Variants in ACSBG1 observed in about 807,000 individuals in gnomAD.
ACSBG1 encodes the protein acyl-CoA synthetase bubblegum family member 1.
ACSBG1 carries 39 observed loss-of-function variants against 80.2 expected under a neutral mutation model. The ratio of observed to expected loss-of-function variants is 0.49; its 90% CI spans 0.38 to 0.64. The LOEUF is 0.64. Among genes scored for constraint, ACSBG1 ranks in the 30% least tolerant of loss-of-function variants. ACSBG1 has a pLI of 0.00. For synonymous variants in ACSBG1, 392 were observed against 379.5 expected, an observed-to-expected ratio of 1.03 and a Z score of -0.38; for missense variants, 828 against 966.4, an observed-to-expected ratio of 0.86 and a Z score of 1.90.
chr15:78,185,868 GA>G (rs915509428), intron 5 of ACSBG1, among the ~76,000 whole-genome samples: 43 of 149,268 alleles, frequency 2.9e-4, no homozygotes, highest in African/African-American at 8.3e-4. Context: ...AGTGCTGAAA[GA>G]AAAAAAAACC....
At chr15:78,176,968 C>T (rs2141322587) in intron 11 of ACSBG1, among the ~76,000 whole-genome samples, 1 of 152,066 alleles carries the variant, frequency 6.6e-6, no homozygotes, top group Middle Eastern at 3.4e-3. Flanking sequence ...AAATAAATAG[C>T]ACATTATTGA....
chr15:78,223,546 C>A (rs2075376260), intron 1 of ACSBG1, among the ~76,000 whole-genome samples: 1 of 152,176 alleles, frequency 6.6e-6, no homozygotes, highest in African/African-American at 2.4e-5. Flanking sequence ...TTTGACAAGT[C>A]CCTAGCCTCA....
At chr15:78,207,926 CCA>C in intron 2 of ACSBG1, 74 bp downstream of exon 2, 4 of 662,148 alleles carry the variant, frequency 6.0e-6, no homozygotes, top group Non-Finnish European at 8.0e-6. Context: ...GTCCCCCACA[CCA>C]CCCACCCCTC....
At chr15:78,185,597 G>T (rs60280956) in intron 5 of ACSBG1, among the ~76,000 whole-genome samples, 8,080 of 152,198 alleles carry the variant, frequency 0.053, 757 homozygotes, top group African/African-American at 0.19. Flanking sequence ...AACAGTCTGA[G>T]AAATTTTCAA....
rs964666991 is a variant in ACSBG1 at position 78,217,629 on chromosome 15, C to T, written c.132-9527G>A. Among the ~76,000 whole-genome samples, 6 of 150,210 alleles carry T rather than the reference C, an allele frequency of 4.0e-5. No homozygotes were observed. In the South Asian group the frequency reaches 1.3e-3, roughly 31 times the overall value. ...TCGCCCAGGCTGGAGTGCAGTGGTG[C>T]GATCTCGGCTCACTGCAACCACTGC... On this transcript the variant is annotated intron_variant, in intron 1 of 13. Coordinates refer to ENST00000258873, the MANE Select transcript of ACSBG1 (RefSeq NM_015162.5).
chr15:78,214,039 A>G (rs1005450893), intron 1 of ACSBG1, among the ~76,000 whole-genome samples: 1 of 152,220 alleles, frequency 6.6e-6, no homozygotes, highest in Admixed American at 6.5e-5. Context: ...CAGTATGTGC[A>G]TGTCATAAAA....
intron 1 of ACSBG1, among the ~76,000 whole-genome samples, chr15:78,210,840 C>T (rs2141370942): frequency 6.6e-6 from 1 of 152,286 alleles, no homozygotes; most frequent in Non-Finnish European, 1.5e-5. Flanking sequence ...TCTCCAACTC[C>T]TGGGCTCAAG....
intron 2 of ACSBG1, among the ~76,000 whole-genome samples, chr15:78,196,570 A>AC (rs2075116475): frequency 6.6e-6 from 1 of 152,288 alleles, no homozygotes; most frequent in African/African-American, 2.4e-5. Flanking sequence ...TTAAAGAGTT[A>AC]AACATAAAAC....
intron 2 of ACSBG1, among the ~76,000 whole-genome samples, chr15:78,201,302 C>A (rs1180854754): frequency 6.6e-6 from 1 of 152,212 alleles, no homozygotes; most frequent in African/African-American, 2.4e-5. Context: ...GCTGGAGACC[C>A]AGTGACTGTG....
In ACSBG1 at chr15:78,182,742, TTATA is replaced by T. The variant is rs2074961641; in HGVS notation, c.703_706del (p.Tyr235LysfsTer44). The T allele has an allele frequency of 6.2e-7, 1 of 1,614,110 alleles. No individual in the cohort carries two copies. Among genetic ancestry groups the T allele is most frequent in the Non-Finnish European group, 8.5e-7 (1 of 1,180,040 alleles). ...GGCCATCTTGTTTGGAGGAGGTTCTTTATATATCACGACTGCCTTTAGATGTGGC... is the reference window on the plus strand; with the variant it reads ...GGCCATCTTGTTTGGAGGAGGTTCTTTATCACGACTGCCTTTAGATGTGGC... On this transcript the variant is annotated frameshift_variant, in exon 6 of 14. Transcript: ENST00000258873. LOFTEE classifies it high-confidence loss of function.
At chr15:78,191,160 A>G (rs1441322223) in intron 5 of ACSBG1, among the ~76,000 whole-genome samples, 1 of 152,256 alleles carries the variant, frequency 6.6e-6, no homozygotes, top group Non-Finnish European at 1.5e-5. Context: ...ATTACCAGGG[A>G]TAAGGAGGAA....
At chr15:78,194,310 A>G (rs2075090018) in intron 3 of ACSBG1, among the ~76,000 whole-genome samples, 196 bp downstream of exon 3, 1 of 152,232 alleles carries the variant, frequency 6.6e-6, no homozygotes, top group South Asian at 2.1e-4. Context: ...TGCTTGGCAC[A>G]TGGTAGGGGC....
rs933686254 is a variant in ACSBG1 at position 78,234,432 on chromosome 15, T to G, written c.70A>C (p.Thr24Pro). The G allele has an allele frequency of 1.4e-5, 22 of 1,612,858 alleles. No homozygotes were observed. The highest frequency in any genetic ancestry group is 1.9e-5 in the Non-Finnish European group (22 of 1,179,996). Residue 24 changes from threonine to proline, a missense_variant, in exon 1 of 14, where the codon ACC (threonine) becomes CCC (proline). Coordinates refer to ENST00000258873, the MANE Select transcript of ACSBG1 (RefSeq NM_015162.5). ...GDPSMLDSRE[T>P]PQESRQDMIV... is the part of the protein sequence containing the mutation. ...ATGTCCTGCCGGCTCTCCTGTGGGG[T>G]CTCTCTGCTGTCCAGCATGCTGGGG...
At chr15:78,215,825 C>T (rs575369190) in intron 1 of ACSBG1, among the ~76,000 whole-genome samples, 115 of 151,858 alleles carry the variant, frequency 7.6e-4, no homozygotes, top group Non-Finnish European at 9.7e-4. Flanking sequence ...AGGAAGGAAA[C>T]TTCAACAGTT....
Position 78,171,412 on chromosome 15 carries a change from T to C in ACSBG1, c.*32A>G, listed in dbSNP as rs751899344. On this transcript the variant is annotated 3_prime_UTR_variant, in exon 14 of 14. Transcript: ENST00000258873. The stretch of plus-strand genomic sequence containing the variant: ...GAAGAGGCTCGGAACGCCTGCCCTC[T>C]ATTCTATAGAAACTGCAGGCATAGG... 7 of 1,591,064 alleles carry C rather than the reference T, an allele frequency of 4.4e-6. No individual in the cohort carries two copies. Among genetic ancestry groups the C allele is most frequent in the Non-Finnish European group, 8.6e-7 (1 of 1,159,822 alleles).
Position 78,194,427 on chromosome 15 carries a change from G to A in ACSBG1, c.453+79C>T, listed in dbSNP as rs956947640. 12 of 1,368,190 alleles carry A rather than the reference G, an allele frequency of 8.8e-6. No individual in the cohort carries two copies. In the African/African-American group the frequency reaches 1.6e-4, roughly 18 times the overall value. The allele number at this position is 1,368,190 out of a possible 1,614,324, so 84.8% of individuals were successfully genotyped here. ...TAAGAGCCTTGCCCAGTGGGCAGTT[G>A]GAGAGGAGGCCTGTGAGGCCCAGAG... On this transcript the variant is annotated intron_variant, in intron 3 of 13. Coordinates refer to ENST00000258873, the MANE Select transcript of ACSBG1 (RefSeq NM_015162.5).
intron 11 of ACSBG1, among the ~76,000 whole-genome samples, chr15:78,176,656 G>A (rs1396936842): frequency 1.3e-5 from 2 of 152,172 alleles, no homozygotes; most frequent in African/African-American, 2.4e-5. Context: ...TGGATGCAGT[G>A]GCTCACACCT....
In ACSBG1 at chr15:78,209,034, C is replaced by T. The variant is rs947461592; in HGVS notation, c.132-932G>A. On this transcript the variant is annotated intron_variant, in intron 1 of 13. Coordinates refer to ENST00000258873, the MANE Select transcript of ACSBG1 (RefSeq NM_015162.5). Reference sequence around the variant, plus strand: ...GTTGTGCAGCATGCAACCTGTGCAGCTGGTCATGGTGTCCCTGAGGGTAGG... The same window carrying T: ...GTTGTGCAGCATGCAACCTGTGCAGTTGGTCATGGTGTCCCTGAGGGTAGG... The T allele has an allele frequency of 1.5e-5, 6 of 412,588 alleles. No individual in the cohort carries two copies. The East Asian group carries it at 3.6e-4, about 25-fold the overall frequency. 25.6% of individuals were successfully genotyped at this position (412,588 alleles called of 1,614,324 possible). A position where few individuals can be genotyped will look rare whatever the true frequency, so the allele number is the denominator to read the frequency against.
intron 11 of ACSBG1, among the ~76,000 whole-genome samples, chr15:78,176,018 G>C (rs1286886516): frequency 6.6e-6 from 1 of 151,932 alleles, no homozygotes; most frequent in Non-Finnish European, 1.5e-5. Flanking sequence ...TCTTTAATCA[G>C]ATAAGGAACA....
Sources: gnomAD v4.1 joint callset for allele counts (sites outside exome capture counted in the v4.1 genomes callset) on GRCh38, gnomAD v4.1.1 for gene constraint, MANE v1.5 for transcripts, NCBI Gene and HGNC (gene_info 2026-07-23, HGNC 2026-07-21) for gene names.